The following TENM3 variants were observed in gnomAD, a reference collection of about 807,000 sequenced individuals.
The protein encoded by TENM3 is teneurin-3.
Under a neutral mutation model 255.1 loss-of-function variants are expected in TENM3, and 63 were observed. The ratio of observed to expected loss-of-function variants is 0.25; its 90% confidence interval spans 0.20 to 0.30. TENM3 has a LOEUF of 0.30. Among genes scored for constraint, TENM3 ranks in the 10% least tolerant of loss-of-function variants. The pLI is 1.00. For synonymous variants in TENM3, 1,306 were observed against 1,322.3 expected (o/e 0.99, Z 0.27); for missense variants, 2,929 against 3,461.1 (o/e 0.85, Z 3.86).
the TENM3 span, among the ~76,000 whole-genome samples, chr4:182,081,583 C>CAAAAAAAAAAAAA: frequency 4.6e-5 from 4 of 87,530 alleles, no homozygotes; most frequent in African/African-American, 9.0e-5. Context: ...GGCTCTGCCT[C>CAAAAAAAAAAAAA]AAAAAAAAAA....
At chr4:182,242,033 T>A (rs1467716022), upstream of TENM3, among the ~76,000 whole-genome samples, 2 of 150,080 alleles carry the variant, frequency 1.3e-5, no homozygotes, top group Admixed American at 6.6e-5. Context: ...TTTTTTTTTT[T>A]TTATTTTACT....
the TENM3 span, among the ~76,000 whole-genome samples, chr4:181,780,580 G>A: frequency 6.6e-6 from 1 of 152,140 alleles, no homozygotes; most frequent in East Asian, 1.9e-4. Flanking sequence ...CTCCCATTCT[G>A]TAGGTTGCCT....
rs1291949607 is a variant in TENM3 at position 182,687,682 on chromosome 4, A to G, written c.2036-484A>G. ...TTAGTGAAAGTTTCTGAATATTTAAAACATTTAAATGTGGCATTAGAAACA... is the reference window on the plus strand; with the variant it reads ...TTAGTGAAAGTTTCTGAATATTTAAGACATTTAAATGTGGCATTAGAAACA... On this transcript the variant is annotated intron_variant, in intron 11 of 27. Coordinates refer to ENST00000511685, the MANE Select transcript of TENM3 (RefSeq NM_001080477.4). 2.0e-5 allele frequency among the ~76,000 whole-genome samples: 3 copies of G among 152,194 alleles called. No individual in the cohort carries two copies. The East Asian group carries it at 5.8e-4, about 29-fold the overall frequency.
At chr4:182,081,115 A>G in the TENM3 span, among the ~76,000 whole-genome samples, 2 of 152,196 alleles carry the variant, frequency 1.3e-5, no homozygotes, top group African/African-American at 2.4e-5. Context: ...TTAATTCTAA[A>G]GTTGTAAGAA....
Position 182,357,543 on chromosome 4 carries a change from C to T in TENM3, c.511+10614C>T, listed in dbSNP as rs201480219. Among the ~76,000 whole-genome samples, 977 of 148,022 alleles carry T rather than the reference C, an allele frequency of 6.6e-3. 8 individuals carry two copies. Among genetic ancestry groups the T allele is most frequent in the African/African-American group, 0.021 (833 of 40,458 alleles). On this transcript the variant is annotated intron_variant, in intron 3 of 27. Transcript: ENST00000511685. ...TTGAGAAGTGTCTGTTCATGTCCTT[C>T]GCCCACTTTTTGATGGGGTTGTTTG...
chr4:182,161,910 C>CAT (rs1561154288), intron 1 of TENM3, among the ~76,000 whole-genome samples: 13 of 30,968 alleles, frequency 4.2e-4, no homozygotes, highest in East Asian at 1.5e-3. Flanking sequence ...TATATACACA[C>CAT]ACATGTATGT....
chr4:181,595,443 A>AACAAAAAAAAAAC, the TENM3 span, among the ~76,000 whole-genome samples: 704 of 130,794 alleles, frequency 5.4e-3, 10 homozygotes, highest in African/African-American at 0.022. Context: ...AAAAAAAAAA[A>AACAAAAAAAAAAC]AAAAAAAAAA....
chr4:182,078,314 G>C, the TENM3 span, among the ~76,000 whole-genome samples: 1 of 152,048 alleles, frequency 6.6e-6, no homozygotes. Context: ...ATGAGGTCAG[G>C]AGATCAAGAC....
At chr4:181,721,181 C>T in the TENM3 span, among the ~76,000 whole-genome samples, 26 of 151,780 alleles carry the variant, frequency 1.7e-4, no homozygotes, top group African/African-American at 5.6e-4. Flanking sequence ...GATATGTAAA[C>T]TATCATTCTG....
chr4:182,728,437 CATT>C (rs1760402913), intron 13 of TENM3, among the ~76,000 whole-genome samples: 2 of 152,316 alleles, frequency 1.3e-5, no homozygotes, highest in South Asian at 4.1e-4. Context: ...TCAGAACAAA[CATT>C]ATATGATTCT....
At chr4:181,526,543 T>A in the TENM3 span, among the ~76,000 whole-genome samples, 1 of 152,178 alleles carries the variant, frequency 6.6e-6, no homozygotes, top group East Asian at 1.9e-4. Context: ...ATTAAGGGGT[T>A]CATCTTATCT....
chr4:181,798,090 A>AGTGTGTGTGTGT, the TENM3 span, among the ~76,000 whole-genome samples: 2 of 149,790 alleles, frequency 1.3e-5, no homozygotes, highest in African/African-American at 4.9e-5. Flanking sequence ...TTTCAAAATA[A>AGTGTGTGTGTGT]GTGTGTGTGT....
At chr4:181,942,196 T>G in the TENM3 span, among the ~76,000 whole-genome samples, 2 of 152,110 alleles carry the variant, frequency 1.3e-5, no homozygotes, top group African/African-American at 4.8e-5. Flanking sequence ...TGGTATCAGT[T>G]GAAGATCTCT....
rs142328228 is a variant in TENM3, at chr4:182,397,147, A to G, written c.511+50218A>G. On this transcript the variant is annotated intron_variant, in intron 3 of 27. Coordinates refer to ENST00000511685, the MANE Select transcript of TENM3 (RefSeq NM_001080477.4). ...AACTGTGTAAAAAAGGGAAAAATCT[A>G]TAAGGATCTGGACAGGGAGACTCTG... Among the ~76,000 whole-genome samples the G allele has an allele frequency of 1.3e-3, 198 of 151,924 alleles. 1 individual carries two copies. Among genetic ancestry groups the G allele is most frequent in the African/African-American group, 4.6e-3 (191 of 41,512 alleles).
At chr4:181,604,758 T>G in the TENM3 span, among the ~76,000 whole-genome samples, 1 of 152,226 alleles carries the variant, frequency 6.6e-6, no homozygotes, top group African/African-American at 2.4e-5. Context: ...GACTGAGATC[T>G]GGTGTGGAAT....
chr4:181,561,516 TAATC>T, the TENM3 span, among the ~76,000 whole-genome samples: 4 of 152,222 alleles, frequency 2.6e-5, no homozygotes, highest in Non-Finnish European at 5.9e-5. Flanking sequence ...ACCAGCAGGA[TAATC>T]AATCAGTAGT....
At chr4:181,683,559 T>A in the TENM3 span, among the ~76,000 whole-genome samples, 1 of 152,222 alleles carries the variant, frequency 6.6e-6, no homozygotes, top group African/African-American at 2.4e-5. Flanking sequence ...CTGATGCTGA[T>A]GCGACTGGTC....
At chr4:181,722,262 G>C in the TENM3 span, among the ~76,000 whole-genome samples, 1 of 152,164 alleles carries the variant, frequency 6.6e-6, no homozygotes, top group African/African-American at 2.4e-5. Flanking sequence ...GGTGTCAAAA[G>C]CCTAGACCAG....
chr4:182,087,634 T>C, the TENM3 span, among the ~76,000 whole-genome samples: 1 of 151,282 alleles, frequency 6.6e-6, no homozygotes, highest in Non-Finnish European at 1.5e-5. Flanking sequence ...CCTTTCATGC[T>C]AAATCCATTA....
Sources: allele counts gnomAD v4.1 joint callset (sites outside exome capture counted in the v4.1 genomes callset), GRCh38; gene constraint gnomAD v4.1.1; transcripts MANE v1.5; gene names NCBI Gene and HGNC (gene_info 2026-07-23, HGNC 2026-07-21).